The following MMD2 variants were observed in gnomAD, a reference collection of about 807,000 sequenced individuals.
MMD2 encodes monocyte to macrophage differentiation associated 2.
A neutral mutation model predicts 33.5 loss-of-function variants in MMD2; 30 were observed. The observed-to-expected ratio is 0.90, with a 90% CI of 0.67 to 1.22. MMD2 has a LOEUF of 1.22. Ranked by LOEUF, MMD2 falls within the 50% of genes most tolerant of loss-of-function variation. The probability of loss-of-function intolerance (pLI) is 0.00; values close to 1 mark genes in which losing one functional copy is unlikely to be tolerated. For synonymous variants in MMD2, 129 were observed against 123.0 expected (o/e 1.05, Z -0.32); for missense variants, 364 against 325.4 (o/e 1.12, Z -0.91).
chr7:4,934,254 A>T (rs1785675030), intron 1 of MMD2, among the ~76,000 whole-genome samples: 1 of 150,800 alleles, frequency 6.6e-6, no homozygotes, highest in Non-Finnish European at 1.5e-5. Flanking sequence ...TTTTTCCACC[A>T]CCACACCCAA....
intron 6 of MMD2, among the ~76,000 whole-genome samples, chr7:4,908,502 A>C (rs918548769): frequency 1.3e-5 from 2 of 152,204 alleles, no homozygotes; most frequent in African/African-American, 4.8e-5. Flanking sequence ...AATTGAAAGC[A>C]GGGTCTTGAC....
intron 1 of MMD2, among the ~76,000 whole-genome samples, chr7:4,935,150 C>G (rs960729524): frequency 6.6e-6 from 1 of 151,980 alleles, no homozygotes; most frequent in African/African-American, 2.4e-5. Context: ...CGCGCTACCA[C>G]ACTCCAGCCT....
Position 4,946,062 on chromosome 7 carries a change from C to T in MMD2, c.47+12909G>A, listed in dbSNP as rs919753491. 6.6e-6 allele frequency among the ~76,000 whole-genome samples: 1 copy of T among 152,182 alleles called. No homozygotes were observed. Among genetic ancestry groups the T allele is most frequent in the African/African-American group, 2.4e-5 (1 of 41,460 alleles). On this transcript the variant is annotated intron_variant, in intron 1 of 6. Coordinates refer to ENST00000401401, the MANE Select transcript of MMD2 (RefSeq NM_198403.4). This position sits in a 1 kb window ranked among gnomAD's most constrained non-coding sequence, Gnocchi z 5.0. ...ACGTACACCTCTCTGGGGCAAAATGCACACACTCACACGCACGCACACGCA... is the reference window on the plus strand; with the variant it reads ...ACGTACACCTCTCTGGGGCAAAATGTACACACTCACACGCACGCACACGCA...
rs567863619 is a variant in MMD2, at chr7:4,927,600, G to T, written c.48-2068C>A. On this transcript the variant is annotated intron_variant, in intron 1 of 6. Coordinates refer to ENST00000401401, the MANE Select transcript of MMD2 (RefSeq NM_198403.4). The stretch of plus-strand genomic sequence containing the variant: ...CACAGGCCTGTAATCGCAGCTACTT[G>T]GGAGGCTGAGGCAGGAGAATCACTT... Among the ~76,000 whole-genome samples the T allele has an allele frequency of 2.2e-3, 335 of 152,104 alleles. 1 individual carries two copies. The highest frequency in any genetic ancestry group is 7.4e-3 in the African/African-American group (306 of 41,496).
intron 2 of MMD2, among the ~76,000 whole-genome samples, chr7:4,923,023 G>A (rs1295122300): frequency 6.6e-6 from 1 of 152,134 alleles, no homozygotes; most frequent in Non-Finnish European, 1.5e-5. Flanking sequence ...AGCATCAGTG[G>A]TCAGAGGAGA....
chr7:4,905,297 A>G (rs1396639019), downstream of MMD2, among the ~76,000 whole-genome samples: 1 of 135,146 alleles, frequency 7.4e-6, no homozygotes, highest in African/African-American at 3.1e-5. This position sits in a 1 kb window ranked among gnomAD's most constrained non-coding sequence, Gnocchi z 5.0. Flanking sequence ...AAGAAGAAGA[A>G]GAGGAAGAGG....
At chr7:4,939,631 T>C (rs774707763) in intron 1 of MMD2, among the ~76,000 whole-genome samples, 5 of 152,074 alleles carry the variant, frequency 3.3e-5, no homozygotes, top group Non-Finnish European at 2.9e-5. Flanking sequence ...CACTAGATAG[T>C]AATGAGAATT....
intron 1 of MMD2, among the ~76,000 whole-genome samples, chr7:4,930,142 C>T (rs1224218673): frequency 1.3e-5 from 2 of 151,636 alleles, no homozygotes; most frequent in African/African-American, 4.8e-5. Flanking sequence ...TGGTGGCGGG[C>T]ACCTGTAGTC....
At chr7:4,921,645 G>A (rs1785288309) in intron 2 of MMD2, among the ~76,000 whole-genome samples, 2 of 150,696 alleles carry the variant, frequency 1.3e-5, no homozygotes, top group Non-Finnish European at 3.0e-5. Context: ...AAAAAAGTAG[G>A]CAGGTGGGAA....
chr7:4,924,226 C>T (rs1033936219), intron 2 of MMD2, among the ~76,000 whole-genome samples: 5 of 152,184 alleles, frequency 3.3e-5, no homozygotes, highest in African/African-American at 9.6e-5. Context: ...ACAACAACAA[C>T]AACAACAGAA....
intron 3 of MMD2, 80 bp downstream of exon 3, chr7:4,920,091 C>G: frequency 2.1e-6 from 3 of 1,457,024 alleles, no homozygotes; most frequent in Non-Finnish European, 1.9e-6. Context: ...ACCGGATATC[C>G]TGGTTCACCC....
At chr7:4,945,136 C>A (rs1786020985) in intron 1 of MMD2, among the ~76,000 whole-genome samples, 2 of 147,938 alleles carry the variant, frequency 1.4e-5, no homozygotes, top group African/African-American at 5.0e-5. Flanking sequence ...TTTCCTTCTC[C>A]TTCTTCTTCT....
intron 1 of MMD2, among the ~76,000 whole-genome samples, chr7:4,929,061 C>G (rs567022585): frequency 6.6e-6 from 1 of 152,152 alleles, no homozygotes; most frequent in Non-Finnish European, 1.5e-5. Context: ...GGAGTGAAAG[C>G]TGGGCAGGGG....
intron 2 of MMD2, among the ~76,000 whole-genome samples, chr7:4,921,817 A>T (rs893115008): frequency 1.3e-5 from 2 of 152,148 alleles, no homozygotes; most frequent in Non-Finnish European, 2.9e-5. Flanking sequence ...CCAGAATGGG[A>T]TGGCTCCTTA....
downstream of MMD2, among the ~76,000 whole-genome samples, chr7:4,901,216 G>C (rs947059574): frequency 2.0e-5 from 3 of 151,826 alleles, no homozygotes. Flanking sequence ...CAAGGTGGGC[G>C]GATCACTTGA....
chr7:4,899,146 C>T, the MMD2 span, among the ~76,000 whole-genome samples: 24 of 152,248 alleles, frequency 1.6e-4, no homozygotes, highest in East Asian at 2.7e-3. Context: ...ACACCACCTA[C>T]GAACCAGGAA....
At position 4,907,313 on chromosome 7, in the gene MMD2, C is replaced by T. The variant is rs1250615606; in HGVS notation, c.*83G>A. 1.5e-6 allele frequency: 2 copies of T among 1,367,452 alleles called. No individual in the cohort carries two copies. Among genetic ancestry groups the T allele is most frequent in the Non-Finnish European group, 2.1e-6 (2 of 964,028 alleles). The allele number at this position is 1,367,452 out of a possible 1,614,324, so 84.7% of individuals were successfully genotyped here. ...CTCTACCCAATAAAGGGAAGACAGG[C>T]CTTGGCGCTGTGCTCTGGGTTAACG... On this transcript the variant is annotated 3_prime_UTR_variant, in exon 7 of 7. Coordinates refer to ENST00000401401, the MANE Select transcript of MMD2 (RefSeq NM_198403.4).
At chr7:4,928,494 C>A (rs11761526) in intron 1 of MMD2, among the ~76,000 whole-genome samples, 23,011 of 151,452 alleles carry the variant, frequency 0.15, 1,948 homozygotes, top group East Asian at 0.29. Flanking sequence ...GTTACAGAGC[C>A]TTCATTGAGC....
intron 1 of MMD2, among the ~76,000 whole-genome samples, chr7:4,957,430 C>T (rs1306331540): frequency 6.6e-6 from 1 of 151,254 alleles, no homozygotes; most frequent in Non-Finnish European, 1.5e-5. Flanking sequence ...GGGGGGATCA[C>T]GACGTCAAGA....
Sources: gnomAD v4.1 joint callset for allele counts (sites outside exome capture counted in the v4.1 genomes callset) on GRCh38, gnomAD v4.1.1 for gene constraint, Gnocchi (gnomAD v3.1) non-coding constraint, MANE v1.5 for transcripts, NCBI Gene and HGNC (gene_info 2026-07-23, HGNC 2026-07-21) for gene names.